SQOR: variants seen among roughly 807,000 people sequenced by gnomAD.
SQOR encodes the protein sulfide:quinone oxidoreductase, mitochondrial.
A neutral mutation model predicts 48.6 loss-of-function variants in SQOR; 39 were observed. That is an observed-to-expected ratio of 0.80 (90% CI 0.62 to 1.05). The LOEUF (loss-of-function observed/expected upper bound fraction) is 1.05. SQOR is among the 50% of genes least tolerant of loss of function. The probability of loss-of-function intolerance (pLI) is 0.00; values close to 1 mark genes in which losing one functional copy is unlikely to be tolerated. For synonymous variants in SQOR, 220 were observed against 206.2 expected, an observed-to-expected ratio of 1.07 and a Z score of -0.57; for missense variants, 561 against 559.9, an observed-to-expected ratio of 1.00 and a Z score of -0.02.
intron 1 of SQOR, among the ~76,000 whole-genome samples, chr15:45,641,438 T>G (rs1895102989): frequency 6.6e-6 from 1 of 152,228 alleles, no homozygotes; most frequent in African/African-American, 2.4e-5. Flanking sequence ...CTATATAGAT[T>G]GTTCCTATTT....
At chr15:45,646,101 T>C (rs985415085) in intron 1 of SQOR, 10 of 152,240 alleles carry the variant, frequency 6.6e-5, no homozygotes, top group Non-Finnish European at 1.0e-4. Context: ...AACCCCAGAT[T>C]TGAAGCCCCA....
chr15:45,658,956 C>A lies in SQOR; in HGVS notation c.33C>A (p.Pro11=). 6.3e-7 allele frequency: 1 copy of A among 1,578,638 alleles called. No homozygotes were observed. MVPLVAVVSG[P]RAQLFACLLR... is the part of the protein sequence containing the mutation. ...CACTGGTGGCTGTGGTATCAGGGCCCCGTGCCCAGCTCTTTGCCTGCCTGC... is the reference window on the plus strand; with the variant it reads ...CACTGGTGGCTGTGGTATCAGGGCCACGTGCCCAGCTCTTTGCCTGCCTGC... The change falls in exon 2 of 10, where the codon CCC becomes CCA. Residue 11 remains proline, a synonymous_variant. Coordinates refer to ENST00000260324, the MANE Select transcript of SQOR (RefSeq NM_021199.4).
chr15:45,665,264 G>A (rs1373645889), intron 3 of SQOR, among the ~76,000 whole-genome samples: 1 of 152,188 alleles, frequency 6.6e-6, no homozygotes, highest in Non-Finnish European at 1.5e-5. Flanking sequence ...AGAGAAGTTG[G>A]TGCAATGTAG....
intron 6 of SQOR, among the ~76,000 whole-genome samples, chr15:45,677,098 T>C (rs1890050730): frequency 6.6e-6 from 1 of 151,768 alleles, no homozygotes; most frequent in Non-Finnish European, 1.5e-5. Flanking sequence ...ATAAAAATAG[T>C]ACAAAGAAAA....
rs1479188505 is a variant in SQOR at position 45,673,614 on chromosome 15, G to A, written c.467G>A (p.Gly156Asp). 4.3e-6 allele frequency: 7 copies of A among 1,612,880 alleles called. No homozygotes were observed. The South Asian group carries it at 7.7e-5, about 18-fold the overall frequency. ...GIQLDYEKIK[G>D]LPEGFAHPKI... ...TTGTGTACTTTGTTGCAGATTAAAG[G>A]CCTACCTGAAGGTTTCGCTCATCCC... Residue 156 changes from glycine (G) to aspartate (D), a missense_variant, in exon 5 of 10, where the codon GGC (glycine) becomes GAC (aspartate). Coordinates refer to ENST00000260324, the MANE Select transcript of SQOR (RefSeq NM_021199.4).
chr15:45,673,880 C>T (rs777609412), intron 5 of SQOR, 79 bp downstream of exon 5: 2 of 1,373,596 alleles, frequency 1.5e-6, no homozygotes, highest in South Asian at 2.5e-5. Context: ...CATTTTATCT[C>T]TATTGTAATC....
At chr15:45,669,197 T>G (rs1889893894) in intron 3 of SQOR, among the ~76,000 whole-genome samples, 1 of 150,606 alleles carries the variant, frequency 6.6e-6, no homozygotes, top group Non-Finnish European at 1.5e-5. Flanking sequence ...TGAGACAGGG[T>G]CTCACTCTAT....
chr15:45,640,407 T>G (rs2140936909), intron 1 of SQOR, among the ~76,000 whole-genome samples: 1 of 152,276 alleles, frequency 6.6e-6, no homozygotes, highest in South Asian at 2.1e-4. Context: ...CTCCCTGGAC[T>G]GTGGTCCTGG....
chr15:45,685,399 A>C (rs1890205504), intron 7 of SQOR, among the ~76,000 whole-genome samples: 1 of 152,190 alleles, frequency 6.6e-6, no homozygotes, highest in Non-Finnish European at 1.5e-5. Flanking sequence ...CCATCTTGCC[A>C]TGTTGAGTCT....
At chr15:45,666,846 C>CCTCCT (rs1395870931) in intron 3 of SQOR, among the ~76,000 whole-genome samples, 2 of 22,690 alleles carry the variant, frequency 8.8e-5, no homozygotes, top group African/African-American at 2.7e-4. Flanking sequence ...CCTCCCCTCC[C>CCTCCT]CTCCTCTCCT....
intron 4 of SQOR, among the ~76,000 whole-genome samples, chr15:45,672,661 AG>A (rs1889965785): frequency 6.6e-6 from 1 of 152,198 alleles, no homozygotes; most frequent in African/African-American, 2.4e-5. Flanking sequence ...CTGAGGCTTA[AG>A]TCTCTTTAAC....
At chr15:45,677,890 T>C (rs1890065021) in intron 6 of SQOR, among the ~76,000 whole-genome samples, 1 of 152,120 alleles carries the variant, frequency 6.6e-6, no homozygotes, top group Non-Finnish European at 1.5e-5. Context: ...TTATTTTTAG[T>C]AGCGGCGAGG....
chr15:45,653,493 C>G (rs1157057677), intron 1 of SQOR, among the ~76,000 whole-genome samples: 1 of 152,190 alleles, frequency 6.6e-6, no homozygotes, highest in Non-Finnish European at 1.5e-5. Flanking sequence ...CTTACAGGCC[C>G]TCTCCGGTCA....
chr15:45,657,133 T>A (rs891825484), intron 1 of SQOR, among the ~76,000 whole-genome samples: 2 of 152,208 alleles, frequency 1.3e-5, no homozygotes, highest in Non-Finnish European at 2.9e-5. Context: ...AACATAATTT[T>A]AAAAGACTTC....
intron 4 of SQOR, among the ~76,000 whole-genome samples, chr15:45,671,842 T>C (rs888789184): frequency 6.6e-6 from 1 of 152,106 alleles, no homozygotes; most frequent in African/African-American, 2.4e-5. Context: ...GATAGGATAG[T>C]CCACGGCTCC....
intron 5 of SQOR, chr15:45,674,019 A>G (rs1889991046): frequency 3.6e-6 from 2 of 559,142 alleles, no homozygotes; most frequent in Non-Finnish European, 6.3e-6. Context: ...TCAATTTGAC[A>G]TGGCTTTCCA....
intron 1 of SQOR, 34 bp from the exon 2 acceptor site, chr15:45,658,873 C>G (rs541735823): frequency 7.0e-7 from 1 of 1,429,690 alleles, no homozygotes; most frequent in East Asian, 2.5e-5. Flanking sequence ...TGGTTTCTAC[C>G]TTGGCACTCA....
chr15:45,679,475 G>A (rs546882711), intron 6 of SQOR, among the ~76,000 whole-genome samples: 10 of 152,224 alleles, frequency 6.6e-5, no homozygotes, highest in East Asian at 1.9e-4. Flanking sequence ...AGGCCGAGGC[G>A]GGTGGATCAC....
At chr15:45,672,269 AGG>A in intron 4 of SQOR, among the ~76,000 whole-genome samples, 1 of 152,052 alleles carries the variant, frequency 6.6e-6, no homozygotes, top group South Asian at 2.1e-4. Context: ...CATCCATTCT[AGG>A]GGTTAATATT....
Sources: allele counts gnomAD v4.1 joint callset (sites outside exome capture counted in the v4.1 genomes callset), GRCh38; gene constraint gnomAD v4.1.1; transcripts MANE v1.5; gene names NCBI Gene and HGNC (gene_info 2026-07-23, HGNC 2026-07-21).